Variants in LIN28B observed in about 807,000 individuals in gnomAD.
LIN28B encodes protein lin-28 homolog B.
A neutral mutation model predicts 21.9 loss-of-function variants in LIN28B; 5 were observed. That is an observed-to-expected ratio of 0.23 (90% confidence interval 0.12 to 0.48). The LOEUF (loss-of-function observed/expected upper bound fraction) is 0.48, where lower values mean the gene tolerates loss of function less well. Among genes scored for constraint, LIN28B ranks in the 20% least tolerant of loss-of-function variants. The probability of loss-of-function intolerance (pLI) is 0.98; values close to 1 mark genes in which losing one functional copy is unlikely to be tolerated. For missense variants in LIN28B, 245 were observed against 310.5 expected (o/e 0.79, Z 1.58); for synonymous variants, 109 against 111.3 (o/e 0.98, Z 0.13).
Position 105,078,713 on chromosome 6 carries a change from C to T in LIN28B, c.683C>T (p.Thr228Met), listed in dbSNP as rs535753084. 1.4e-5 allele frequency: 22 copies of T among 1,614,040 alleles called. No individual in the cohort carries two copies. The highest frequency in any genetic ancestry group is 8.3e-5 in the Admixed American group (5 of 60,014). ...SGRSPQEASS[T>M]KSSIAPEEQS... is the part of the protein sequence containing the mutation. ...AGGTCACCTCAAGAAGCTTCCTCCA[C>T]GAAGTCATCTATAGCACCAGAAGAG... is the stretch of plus-strand genomic sequence containing the variant. Residue 228 changes from threonine to methionine, a missense_variant, in exon 4 of 4, where the codon ACG (threonine) becomes ATG (methionine). Thr to Met is a moderately conservative substitution (Grantham distance 81). Transcript: ENST00000345080.
intron 2 of LIN28B, among the ~76,000 whole-genome samples, chr6:105,012,036 T>C (rs1770933786): frequency 1.3e-5 from 2 of 151,724 alleles, no homozygotes; most frequent in Admixed American, 6.6e-5. Flanking sequence ...CAGGCACCTG[T>C]AATCCCAGCT....
intron 2 of LIN28B, among the ~76,000 whole-genome samples, chr6:104,976,236 C>T (rs1005835942): frequency 6.6e-6 from 1 of 152,130 alleles, no homozygotes; most frequent in African/African-American, 2.4e-5. Context: ...AATTTCATCA[C>T]ACAAATGAAA....
At chr6:105,052,944 G>A (rs2114388465) in intron 3 of LIN28B, among the ~76,000 whole-genome samples, 1 of 151,230 alleles carries the variant, frequency 6.6e-6, no homozygotes, top group East Asian at 1.9e-4. Context: ...TCTTTTTGTG[G>A]CTTCTTTAGG....
At chr6:105,067,128 G>T (rs1458906937) in intron 3 of LIN28B, among the ~76,000 whole-genome samples, 1 of 152,158 alleles carries the variant, frequency 6.6e-6, no homozygotes, top group East Asian at 1.9e-4. Context: ...TTTCCAGACT[G>T]CATATTATAA....
chr6:105,048,573 A>G (rs1192006235), intron 3 of LIN28B, among the ~76,000 whole-genome samples: 1 of 152,126 alleles, frequency 6.6e-6, no homozygotes, highest in South Asian at 2.1e-4. Flanking sequence ...TATTGATTGG[A>G]ATAGTTTCAG....
chr6:104,996,874 T>A (rs1230579311), intron 2 of LIN28B, among the ~76,000 whole-genome samples: 1 of 152,196 alleles, frequency 6.6e-6, no homozygotes, highest in East Asian at 1.9e-4. Context: ...TCCCAGCTAC[T>A]TGGGGGAAGC....
At chr6:104,983,509 A>C (rs572613571) in intron 2 of LIN28B, among the ~76,000 whole-genome samples, 2 of 152,332 alleles carry the variant, frequency 1.3e-5, no homozygotes, top group Admixed American at 1.3e-4. Flanking sequence ...TTAACAGATT[A>C]TTATCAGTTT....
chr6:105,071,306 C>T (rs1321695983), intron 3 of LIN28B, among the ~76,000 whole-genome samples: 1 of 152,078 alleles, frequency 6.6e-6, no homozygotes, highest in Non-Finnish European at 1.5e-5. Flanking sequence ...AACAATTTGT[C>T]TTGGAGATCT....
intron 3 of LIN28B, among the ~76,000 whole-genome samples, chr6:105,053,607 T>G (rs1033413563): frequency 6.6e-6 from 1 of 152,074 alleles, no homozygotes; most frequent in African/African-American, 2.4e-5. Flanking sequence ...GTTTATGAAA[T>G]GTCCCACCTC....
chr6:104,995,925 G>A lies in LIN28B; in HGVS notation c.199-30373G>A, dbSNP rs138762155. On this transcript the variant is annotated intron_variant, in intron 2 of 3. Transcript: ENST00000345080. ...TAGATAACTATGTCTTCTGAGTAAG[G>A]TTTAAAAAATATTTAAAAATTATTT... Among the ~76,000 whole-genome samples, 301 of 150,420 alleles carry A rather than the reference G, an allele frequency of 2.0e-3. 1 individual carries two copies. Among genetic ancestry groups the A allele is most frequent in the African/African-American group, 6.8e-3 (281 of 41,188 alleles).
chr6:105,051,471 G>A lies in LIN28B; in HGVS notation c.383+24989G>A, dbSNP rs763083251. Reference sequence around the variant, plus strand: ...AAAAGAAAGAAAAAGAAAGAGCCACGACAACTGTTTGTAATTGAATTGCTG... The same window carrying A: ...AAAAGAAAGAAAAAGAAAGAGCCACAACAACTGTTTGTAATTGAATTGCTG... On this transcript the variant is annotated intron_variant, in intron 3 of 3. Coordinates refer to ENST00000345080, the MANE Select transcript of LIN28B (RefSeq NM_001004317.4). Among the ~76,000 whole-genome samples, 24 of 150,922 alleles carry A rather than the reference G, an allele frequency of 1.6e-4. 1 individual carries two copies. Among genetic ancestry groups the A allele is most frequent in the South Asian group, 4.2e-4 (2 of 4,816 alleles).
At chr6:104,984,205 T>TA (rs1274526571) in intron 2 of LIN28B, among the ~76,000 whole-genome samples, 5 of 152,180 alleles carry the variant, frequency 3.3e-5, no homozygotes, top group African/African-American at 4.8e-5. Flanking sequence ...AGTATGCGTT[T>TA]AAAAAAATAG....
chr6:104,945,180 ATG>A (rs1252588430), intron 2 of LIN28B, among the ~76,000 whole-genome samples: 2 of 152,100 alleles, frequency 1.3e-5, no homozygotes, highest in African/African-American at 2.4e-5. Flanking sequence ...TCTGTAAATT[ATG>A]TGTTATCTTT....
intron 3 of LIN28B, among the ~76,000 whole-genome samples, chr6:105,046,942 A>C (rs1771780928): frequency 6.6e-6 from 1 of 152,076 alleles, no homozygotes; most frequent in Non-Finnish European, 1.5e-5. Context: ...AGTAGATTGC[A>C]AAAATTTTCT....
chr6:104,939,930 T>G (rs1778058838), intron 2 of LIN28B, among the ~76,000 whole-genome samples: 1 of 152,124 alleles, frequency 6.6e-6, no homozygotes, highest in South Asian at 2.1e-4. Flanking sequence ...GGTAGAAAAT[T>G]ATAGGAGAGA....
In LIN28B at chr6:105,054,812, C is replaced by T. The variant is rs563354975; in HGVS notation, c.384-23602C>T. ...ACCCGGGGTGCAAGCCAGTGAGTTT[C>T]CATGTGGTTACATTTTTCTTGAACC... On this transcript the variant is annotated intron_variant, in intron 3 of 3. Coordinates refer to ENST00000345080, the MANE Select transcript of LIN28B (RefSeq NM_001004317.4). Among the ~76,000 whole-genome samples, 23 of 151,794 alleles carry T rather than the reference C, an allele frequency of 1.5e-4. No individual in the cohort carries two copies. In the South Asian group the frequency reaches 4.8e-3, roughly 32 times the overall value.
chr6:104,959,134 C>T (rs1769657267), intron 2 of LIN28B, among the ~76,000 whole-genome samples: 2 of 152,140 alleles, frequency 1.3e-5, no homozygotes, highest in African/African-American at 2.4e-5. Flanking sequence ...ATTAATACTT[C>T]TGCCTTTACT....
At chr6:104,968,253 C>G (rs922634065) in intron 2 of LIN28B, among the ~76,000 whole-genome samples, 1 of 152,158 alleles carries the variant, frequency 6.6e-6, no homozygotes. Context: ...GTTGTATTCA[C>G]TTCCTTTTAC....
chr6:105,011,161 A>C (rs1456817042), intron 2 of LIN28B, among the ~76,000 whole-genome samples: 1 of 152,142 alleles, frequency 6.6e-6, no homozygotes, highest in African/African-American at 2.4e-5. Flanking sequence ...CATTACAAAA[A>C]ATTCAGTTTC....
Sources: allele counts gnomAD v4.1 joint callset (sites outside exome capture counted in the v4.1 genomes callset), GRCh38; gene constraint gnomAD v4.1.1; transcripts MANE v1.5; gene names NCBI Gene and HGNC (gene_info 2026-07-23, HGNC 2026-07-21).